RSRC1: variants seen among roughly 807,000 people sequenced by gnomAD.
RSRC1 encodes arginine and serine rich coiled-coil 1, also known as serine/Arginine-related protein 53.
A neutral mutation model predicts 49.1 loss-of-function variants in RSRC1; 39 were observed. The observed-to-expected ratio is 0.79, with a 90% CI of 0.61 to 1.04. The LOEUF is 1.04. Ranked by LOEUF, RSRC1 falls within the 50% of genes least tolerant of loss-of-function variation. The pLI is 0.00. For synonymous variants in RSRC1, 143 were observed against 130.8 expected (o/e 1.09, Z -0.63); for missense variants, 388 against 402.4 (o/e 0.96, Z 0.31).
At chr3:158,261,302 T>C (rs1287244842) in intron 4 of RSRC1, among the ~76,000 whole-genome samples, 1 of 152,232 alleles carries the variant, frequency 6.6e-6, no homozygotes, top group Non-Finnish European at 1.5e-5. Context: ...TTTTAGACAT[T>C]CTAATAGGTA....
At chr3:158,456,727 A>G (rs1012216773) in intron 6 of RSRC1, among the ~76,000 whole-genome samples, 2 of 152,172 alleles carry the variant, frequency 1.3e-5, no homozygotes, top group South Asian at 4.1e-4. Flanking sequence ...TAACAAAGGT[A>G]TAGCAATTCA....
At chr3:158,428,591 A>G (rs915329157) in intron 6 of RSRC1, among the ~76,000 whole-genome samples, 3 of 152,018 alleles carry the variant, frequency 2.0e-5, no homozygotes, top group South Asian at 2.1e-4. Flanking sequence ...ATGTTTAGAA[A>G]GATGTCTGGC....
Position 158,181,459 on chromosome 3 carries a change from T to C in RSRC1, c.321-21613T>C, listed in dbSNP as rs557123784. Among the ~76,000 whole-genome samples the C allele has an allele frequency of 1.1e-4, 17 of 152,338 alleles. No individual in the cohort carries two copies. In the East Asian group the frequency reaches 3.3e-3, roughly 29 times the overall value. ...AAATCCTTCAAATTATGACCCTTTG[T>C]GGACTAGATTACTTTCTCATTCCCT... On this transcript the variant is annotated intron_variant, in intron 3 of 9. Coordinates refer to ENST00000611884, the MANE Select transcript of RSRC1 (RefSeq NM_001271838.2).
At chr3:158,323,178 T>A (rs1728861003) in intron 5 of RSRC1, among the ~76,000 whole-genome samples, 1 of 152,172 alleles carries the variant, frequency 6.6e-6, no homozygotes, top group African/African-American at 2.4e-5. Context: ...TTTGCAGTTA[T>A]CTTTTCTAGA....
rs57120150 is a variant in RSRC1 at position 158,339,298 on chromosome 3, CAAAAAAAAAAAAAAA to C, written c.532-15547_532-15533del. The stretch of plus-strand genomic sequence containing the variant: ...TGGGCGACAGAGCGAGACTCCGTCT[CAAAAAAAAAAAAAAA>C]AAAAAAAAAAATGATACTAATATTT... On this transcript the variant is annotated intron_variant, in intron 5 of 9. Transcript: ENST00000611884. 1.9e-4 allele frequency among the ~76,000 whole-genome samples: 14 copies of C among 73,814 alleles called. No homozygotes were observed. In the South Asian group the frequency reaches 6.5e-3, roughly 34 times the overall value. 48.4% of individuals were successfully genotyped at this position (73,814 alleles called of 152,430 possible). A position where few individuals can be genotyped will look rare whatever the true frequency, so the allele number is the denominator to read the frequency against.
At chr3:158,202,566 A>ATATATATATATATATATG (rs1559941225) in intron 3 of RSRC1, among the ~76,000 whole-genome samples, 1 of 137,754 alleles carries the variant, frequency 7.3e-6, no homozygotes, top group African/African-American at 2.9e-5. Context: ...GGTAGATTAT[A>ATATATATATATATATATG]TATATATATA....
At chr3:158,297,895 T>G in intron 4 of RSRC1, 144 bp from the exon 5 acceptor site, 1 of 602,930 alleles carries the variant, frequency 1.7e-6, no homozygotes, top group South Asian at 2.2e-5. Flanking sequence ...TGATAAAAAT[T>G]GTTTTGTCCT....
intron 5 of RSRC1, among the ~76,000 whole-genome samples, chr3:158,316,844 G>A (rs1312668720): frequency 1.3e-5 from 2 of 151,992 alleles, no homozygotes; most frequent in Non-Finnish European, 2.9e-5. Context: ...CTTAATTCTG[G>A]CCCTAAATCA....
At chr3:158,481,587 G>A (rs1393394223) in intron 7 of RSRC1, among the ~76,000 whole-genome samples, 1 of 152,028 alleles carries the variant, frequency 6.6e-6, no homozygotes, top group African/African-American at 2.4e-5. Context: ...AATCATATCA[G>A]CTGAATTAAG....
At chr3:158,250,468 C>T (rs540933114) in intron 4 of RSRC1, among the ~76,000 whole-genome samples, 1 of 152,286 alleles carries the variant, frequency 6.6e-6, no homozygotes, top group East Asian at 1.9e-4. Flanking sequence ...CACATACTCA[C>T]CAGCATTTGT....
chr3:158,125,468 C>T (rs140003787), intron 3 of RSRC1, among the ~76,000 whole-genome samples: 1 of 151,954 alleles, frequency 6.6e-6, no homozygotes, highest in Non-Finnish European at 1.5e-5. Flanking sequence ...ATGATTTCTT[C>T]TTTGGTGTAT....
chr3:158,292,312 A>T (rs914016158), intron 4 of RSRC1, among the ~76,000 whole-genome samples: 2 of 152,232 alleles, frequency 1.3e-5, no homozygotes, highest in Admixed American at 1.3e-4. Flanking sequence ...AACATCAATC[A>T]TGGCAAGTAT....
intron 6 of RSRC1, among the ~76,000 whole-genome samples, chr3:158,359,300 G>T (rs778559452): frequency 6.6e-6 from 1 of 152,108 alleles, no homozygotes; most frequent in Admixed American, 6.5e-5. Context: ...CTGTAAGAGC[G>T]AAAGATAATA....
chr3:158,169,952 G>A (rs115452159), intron 3 of RSRC1, among the ~76,000 whole-genome samples: 2,381 of 152,172 alleles, frequency 0.016, 83 homozygotes, highest in African/African-American at 0.055. Flanking sequence ...TATAGTATAC[G>A]TATTTCTTTT....
At position 158,537,498 on chromosome 3, in the gene RSRC1, A is replaced by G. The variant is rs190862251; in HGVS notation, c.759+300A>G. 6.6e-5 allele frequency among the ~76,000 whole-genome samples: 10 copies of G among 151,760 alleles called. No homozygotes were observed. In the East Asian group the frequency reaches 1.5e-3, roughly 23 times the overall value. ...ATAACAGTAATGCACATTTCTTAAC[A>G]TACATGGTTTTCTTTTCAAATGTGT... On this transcript the variant is annotated intron_variant, in intron 8 of 9. Coordinates refer to ENST00000611884, the MANE Select transcript of RSRC1 (RefSeq NM_001271838.2).
At chr3:158,362,785 G>T (rs765769764) in intron 6 of RSRC1, among the ~76,000 whole-genome samples, 1 of 152,074 alleles carries the variant, frequency 6.6e-6, no homozygotes, top group Non-Finnish European at 1.5e-5. Context: ...CTGCAAAAAC[G>T]TATTATCATC....
chr3:158,515,972 G>T (rs1453509710), intron 7 of RSRC1, among the ~76,000 whole-genome samples: 3 of 151,030 alleles, frequency 2.0e-5, no homozygotes, highest in Non-Finnish European at 4.4e-5. Context: ...GCACTTCTCT[G>T]TATTGGTTAT....
intron 7 of RSRC1, among the ~76,000 whole-genome samples, chr3:158,523,679 A>C (rs1711836351): frequency 6.6e-6 from 1 of 151,990 alleles, no homozygotes; most frequent in South Asian, 2.1e-4. Flanking sequence ...TTAGGAAACA[A>C]AAAGAAGTCA....
intron 3 of RSRC1, among the ~76,000 whole-genome samples, chr3:158,162,269 A>G (rs560403326): frequency 2.8e-4 from 43 of 152,322 alleles, no homozygotes; most frequent in Non-Finnish European, 5.0e-4. Context: ...TGGAGACTAA[A>G]TGACATCAAC....
Sources: allele counts gnomAD v4.1 joint callset (sites outside exome capture counted in the v4.1 genomes callset), GRCh38; gene constraint gnomAD v4.1.1; transcripts MANE v1.5; gene names NCBI Gene and HGNC (gene_info 2026-07-23, HGNC 2026-07-21).